Variants in AACS observed in about 807,000 individuals in gnomAD.
AACS encodes acetoacetyl-CoA synthetase, also known as acetoacetate-CoA ligase.
Under a neutral mutation model 83.1 loss-of-function variants are expected in AACS, and 69 were observed. The observed-to-expected ratio is 0.83, with a 90% confidence interval of 0.68 to 1.01. The LOEUF (loss-of-function observed/expected upper bound fraction) is 1.01, where lower values mean the gene tolerates loss of function less well. AACS is among the 50% of genes least tolerant of loss of function. The pLI, the probability that AACS is intolerant of heterozygous loss-of-function variation, is 0.00. For missense variants in AACS, 866 were observed against 882.2 expected (o/e 0.98, Z 0.23); for synonymous variants, 333 against 343.4 (o/e 0.97, Z 0.33).
intron 1 of AACS, among the ~76,000 whole-genome samples, chr12:125,068,722 G>C (rs1447352954): frequency 6.6e-6 from 1 of 152,098 alleles, no homozygotes; most frequent in African/African-American, 2.4e-5. Flanking sequence ...TGAAGATCCA[G>C]CTCAAATGCT....
At position 125,113,105 on chromosome 12, in the gene AACS, G is replaced by A. The variant is rs928342850; in HGVS notation, c.916-1372G>A. Among the ~76,000 whole-genome samples the A allele has an allele frequency of 9.2e-5, 14 of 152,174 alleles. No individual in the cohort carries two copies. The highest frequency in any genetic ancestry group is 1.9e-4 in the East Asian group (1 of 5,192). Reference sequence around the variant, plus strand: ...TGCTGCTGTTTGTGGGCTGGGTGGCGGTTGCCTGTTTGGGATGGACTCCGG... The same window carrying A: ...TGCTGCTGTTTGTGGGCTGGGTGGCAGTTGCCTGTTTGGGATGGACTCCGG... On this transcript the variant is annotated intron_variant, in intron 8 of 17. Coordinates refer to ENST00000316519, the MANE Select transcript of AACS (RefSeq NM_023928.5). This position sits in a 1 kb window ranked among gnomAD's most constrained non-coding sequence, Gnocchi z 4.8.
intron 10 of AACS, among the ~76,000 whole-genome samples, 187 bp downstream of exon 10, chr12:125,118,952 T>C (rs374666118): frequency 6.6e-6 from 1 of 152,100 alleles, no homozygotes; most frequent in Non-Finnish European, 1.5e-5. Context: ...GTGAAACTGT[T>C]AGGAAGGGAG....
rs900411 is a variant in AACS, at chr12:125,128,293, G to A, written c.1423+19G>A. The A allele has an allele frequency of 0.3, 480,335 of 1,597,378 alleles. 74,629 individuals carry two copies. Among genetic ancestry groups the A allele is most frequent in the East Asian group, 0.49 (21,705 of 44,434 alleles). On this transcript the variant is annotated intron_variant, in intron 13 of 17. Coordinates refer to ENST00000316519, the MANE Select transcript of AACS (RefSeq NM_023928.5). Reference sequence around the variant, plus strand: ...GAGGAAGGTGATGGCTCCACCAACTGTTTCTTTCTGTGATTAGGCGTGAGT... The same window carrying A: ...GAGGAAGGTGATGGCTCCACCAACTATTTCTTTCTGTGATTAGGCGTGAGT...
intron 4 of AACS, among the ~76,000 whole-genome samples, chr12:125,090,551 C>T (rs569541257): frequency 4.0e-4 from 60 of 151,724 alleles, no homozygotes; most frequent in Non-Finnish European, 7.7e-4. Context: ...ATTATCCATT[C>T]ATCCATCCAT....
intron 16 of AACS, among the ~76,000 whole-genome samples, chr12:125,135,586 G>T (rs1047032073): frequency 2.6e-5 from 4 of 152,166 alleles, no homozygotes; most frequent in Admixed American, 2.0e-4. Context: ...AGCCCAGGCC[G>T]CAGAGTTGGT....
Position 125,142,282 on chromosome 12 carries a change from G to A in AACS, c.*53G>A, listed in dbSNP as rs1248363152. The A allele has an allele frequency of 1.8e-5, 29 of 1,591,302 alleles. No individual in the cohort carries two copies. Among genetic ancestry groups the A allele is most frequent in the Non-Finnish European group, 2.5e-5 (29 of 1,165,894 alleles). Reference sequence around the variant, plus strand: ...CGCACCCGTGTGCACTGTAACTTTTGTGTGCTCAAGAAATTATACAGAAAC... The same window carrying A: ...CGCACCCGTGTGCACTGTAACTTTTATGTGCTCAAGAAATTATACAGAAAC... On this transcript the variant is annotated 3_prime_UTR_variant, in exon 18 of 18. Transcript: ENST00000316519.
intron 3 of AACS, among the ~76,000 whole-genome samples, chr12:125,081,005 T>C (rs1956167250): frequency 6.6e-6 from 1 of 151,102 alleles, no homozygotes; most frequent in Non-Finnish European, 1.5e-5. Context: ...TATTTTATTT[T>C]ATTTTGAGAT....
Position 125,100,457 on chromosome 12 carries a change from G to T in AACS, c.571-2222G>T, listed in dbSNP as rs114982937. ...TTTCCTGTTGTGTTTCTGATAGATC[G>T]TATGTTCTGGGGAGTGGGAACCCTG... is the stretch of plus-strand genomic sequence containing the variant. On this transcript the variant is annotated intron_variant, in intron 5 of 17. Coordinates refer to ENST00000316519, the MANE Select transcript of AACS (RefSeq NM_023928.5). 7.5e-3 allele frequency among the ~76,000 whole-genome samples: 1,145 copies of T among 152,318 alleles called. 14 individuals carry two copies. Among genetic ancestry groups the T allele is most frequent in the African/African-American group, 0.026 (1,088 of 41,566 alleles).
At chr12:125,076,425 C>T (rs1956022454) in intron 2 of AACS, 66 bp from the exon 3 acceptor site, 4 of 1,578,466 alleles carry the variant, frequency 2.5e-6, no homozygotes, top group African/African-American at 2.7e-5. Context: ...GACATAGTCT[C>T]ATGTTTTGCT....
At chr12:125,106,349 G>A (rs542310424) in intron 7 of AACS, among the ~76,000 whole-genome samples, 1 of 152,326 alleles carries the variant, frequency 6.6e-6, no homozygotes, top group South Asian at 2.1e-4. Flanking sequence ...CGCCCCTTTG[G>A]TGGTTCTTGG....
At position 125,076,552 on chromosome 12, in the gene AACS, A is replaced by G. The variant is rs1274968082; in HGVS notation, c.299A>G (p.Asn100Ser). ...GAGTGGTTCAAAGGCAGTCGGCTCAACTATGCAGAAAACCTCCTGCGGCAC... is the reference window on the plus strand; with the variant it reads ...GAGTGGTTCAAAGGCAGTCGGCTCAGCTATGCAGAAAACCTCCTGCGGCAC... ...VPEWFKGSRL[N>S]YAENLLRHKE... The change falls in exon 3 of 18, where the codon AAC (asparagine) becomes AGC (serine). Residue 100 changes from asparagine (N) to serine (S), a missense_variant. By Grantham distance (46) the Asn-to-Ser change is conservative. Coordinates refer to ENST00000316519, the MANE Select transcript of AACS (RefSeq NM_023928.5). 16 of 1,614,088 alleles carry G rather than the reference A, an allele frequency of 9.9e-6. No homozygotes were observed. The highest frequency in any genetic ancestry group is 1.4e-5 in the Non-Finnish European group (16 of 1,180,044).
rs369152816 is a variant in AACS at position 125,075,571 on chromosome 12, C to T, written c.238-920C>T. Among the ~76,000 whole-genome samples, 56 of 150,090 alleles carry T rather than the reference C, an allele frequency of 3.7e-4. No homozygotes were observed. The South Asian group carries it at 0.011, about 29-fold the overall frequency. ...CCTGCCAAAGTGCTGGGATTACAGG[C>T]GTGAGCCACTGTGCCCAGCTGGAGT... On this transcript the variant is annotated intron_variant, in intron 2 of 17. Coordinates refer to ENST00000316519, the MANE Select transcript of AACS (RefSeq NM_023928.5).
chr12:125,091,090 A>G (rs1956474507), intron 4 of AACS: 6 of 352,406 alleles, frequency 1.7e-5, no homozygotes, highest in South Asian at 1.5e-4. Context: ...TCAGCAGATC[A>G]GACAGCTGTG....
At chr12:125,088,784 G>A (rs113026447) in intron 4 of AACS, among the ~76,000 whole-genome samples, 3 of 152,326 alleles carry the variant, frequency 2.0e-5, no homozygotes, top group African/African-American at 7.2e-5. Flanking sequence ...ACGCCTGGCC[G>A]CGATGCCCTG....
At chr12:125,109,497 C>T (rs1956905116) in intron 8 of AACS, among the ~76,000 whole-genome samples, 1 of 152,170 alleles carries the variant, frequency 6.6e-6, no homozygotes, top group Admixed American at 6.5e-5. Context: ...TGTTATTTTG[C>T]TTTTTGTTGA....
intron 10 of AACS, chr12:125,122,935 C>T (rs1261112455): frequency 3.3e-5 from 5 of 152,200 alleles, no homozygotes; most frequent in Non-Finnish European, 7.3e-5. Context: ...AGGTGGGCTC[C>T]CGTGCTTCCA....
intron 3 of AACS, 112 bp downstream of exon 3, chr12:125,076,723 T>C: frequency 6.8e-7 from 1 of 1,475,546 alleles, no homozygotes; most frequent in Middle Eastern, 2.4e-4. Context: ...TGTTGGCACC[T>C]TTCTGATGTA....
rs1957290091 is a variant in AACS at position 125,129,153 on chromosome 12, C to CT, written c.1424-180dup. The CT allele has an allele frequency of 3.9e-6, 3 of 761,936 alleles. No homozygotes were observed. The East Asian group carries it at 1.1e-4, about 27-fold the overall frequency. 47.2% of individuals were successfully genotyped at this position (761,936 alleles called of 1,614,324 possible). A position where few individuals can be genotyped will look rare whatever the true frequency, so the allele number is the denominator to read the frequency against. ...TTTTGGGGAGCACACAGGGAGGGGACTTCATCTGGGAGGAACGCATTATTA... is the reference window on the plus strand; with the variant it reads ...TTTTGGGGAGCACACAGGGAGGGGACTTTCATCTGGGAGGAACGCATTATTA... On this transcript the variant is annotated intron_variant, in intron 13 of 17. Transcript: ENST00000316519. The surrounding 1 kb of genome is among the most constrained non-coding windows in gnomAD (Gnocchi z 4.3).
At chr12:125,124,537 C>T in intron 10 of AACS, 168 bp from the exon 11 acceptor site, 1 of 694,388 alleles carries the variant, frequency 1.4e-6, no homozygotes, top group Non-Finnish European at 2.4e-6. Context: ...GTGAGGAAGT[C>T]AGGTGCCGTG....
Sources: gnomAD v4.1 joint callset for allele counts (sites outside exome capture counted in the v4.1 genomes callset) on GRCh38, gnomAD v4.1.1 for gene constraint, Gnocchi (gnomAD v3.1) non-coding constraint, MANE v1.5 for transcripts, NCBI Gene and HGNC (gene_info 2026-07-23, HGNC 2026-07-21) for gene names.